Variants in ZNF256 observed in about 807,000 individuals in gnomAD.
The protein encoded by ZNF256 is bone marrow zinc finger 3.
In ZNF256, 4 loss-of-function variants were observed where a neutral mutation model predicts 7.9. The ratio of observed to expected loss-of-function variants is 0.50; its 90% CI spans 0.25 to 1.15. The LOEUF is 1.15. Among genes scored for constraint, ZNF256 ranks in the 50% most tolerant of loss-of-function variants. ZNF256 has a pLI of 0.15. For missense variants in ZNF256, 666 were observed against 755.9 expected (o/e 0.88, Z 1.39); for synonymous variants, 260 against 260.4 (o/e 1.00, Z 0.02).
At position 57,942,158 on chromosome 19, in the gene ZNF256, A is replaced by G; in HGVS notation, c.650T>C (p.Val217Ala). 1 of 1,614,206 alleles carries G rather than the reference A, an allele frequency of 6.2e-7. No individual in the cohort carries two copies. The highest frequency in any genetic ancestry group is 8.5e-7 in the Non-Finnish European group (1 of 1,180,040). ...VKNHYNWGEC[V>A]KAFSYKHVRV... ...TACATGTTTGTAGCTGAAAGCTTTC[A>G]CACATTCTCCCCAGTTGTAATGATT... Residue 217 changes from valine to alanine, a missense_variant, in exon 3 of 3, where the codon GTG becomes GCG. Val to Ala is a moderately conservative substitution (Grantham distance 64, BLOSUM62 0). Transcript: ENST00000282308.
At chr19:57,943,131 C>T (rs2072742041) in intron 2 of ZNF256, among the ~76,000 whole-genome samples, 1 of 152,094 alleles carries the variant, frequency 6.6e-6, no homozygotes, top group Admixed American at 6.6e-5. Flanking sequence ...TAACCCCAGG[C>T]TGGAAGTAAG....
Position 57,941,546 on chromosome 19 carries a change from C to G in ZNF256, c.1262G>C (p.Arg421Pro). 3.1e-6 allele frequency: 5 copies of G among 1,613,998 alleles called. No individual in the cohort carries two copies. The highest frequency in any genetic ancestry group is 4.2e-6 in the Non-Finnish European group (5 of 1,180,020). Residue 421 changes from arginine (R) to proline (P), a missense_variant, in exon 3 of 3, where the codon CGT becomes CCT. Coordinates refer to ENST00000282308, the MANE Select transcript of ZNF256 (RefSeq NM_005773.3). Reference sequence around the variant, plus strand: ...ATGAACTCTCTGGTGTTGGAAGAAACGAGATCTATAAGTAAACAATTTCCC... The same window carrying G: ...ATGAACTCTCTGGTGTTGGAAGAAAGGAGATCTATAAGTAAACAATTTCCC... ...ECGKLFTYRS[R>P]FFQHQRVHTG...
intron 1 of ZNF256, among the ~76,000 whole-genome samples, chr19:57,944,648 C>A (rs994479612): frequency 6.6e-6 from 1 of 152,096 alleles, no homozygotes; most frequent in Non-Finnish European, 1.5e-5. Context: ...CAGGGTGAAA[C>A]CCCATCTCTA....
intron 2 of ZNF256, 89 bp from the exon 3 acceptor site, chr19:57,942,736 G>A: frequency 6.7e-7 from 1 of 1,491,034 alleles, no homozygotes; most frequent in Non-Finnish European, 9.1e-7. Context: ...ACAAACCCAG[G>A]AACTGAGTCC....
rs781357642 is a variant in ZNF256 at position 57,941,694 on chromosome 19, C to T, written c.1114G>A (p.Val372Ile). 3.7e-6 allele frequency: 6 copies of T among 1,614,038 alleles called. No individual in the cohort carries two copies. Residue 372 changes from valine (V) to isoleucine (I), a missense_variant, in exon 3 of 3, where the codon GTT becomes ATT. By Grantham distance (29) the Val-to-Ile change is conservative. Coordinates refer to ENST00000282308, the MANE Select transcript of ZNF256 (RefSeq NM_005773.3). ...ATATAAGGCCTTGTACCAGTGTGAA[C>T]TCTCTGGTGTGTAATAAGGCTAGAA... Reference protein sequence around the residue: ...HSSSLITHQRVHTGTRPYMCS... With the variant: ...HSSSLITHQRIHTGTRPYMCS...
rs112563701 is a variant in ZNF256, at chr19:57,942,906, A to C, written c.161-259T>G. On this transcript the variant is annotated intron_variant, in intron 2 of 2. Transcript: ENST00000282308. ...GGAGAAGAGGCAGGATATACAACTC[A>C]TTCCTCTAGAACAATTTTCAGTGAG... is the stretch of plus-strand genomic sequence containing the variant. Among the ~76,000 whole-genome samples the C allele has an allele frequency of 1.9e-3, 297 of 152,348 alleles. 1 individual carries two copies. The highest frequency in any genetic ancestry group is 6.7e-3 in the African/African-American group (280 of 41,578).
At chr19:57,943,163 A>G in intron 2 of ZNF256, among the ~76,000 whole-genome samples, 1 of 152,236 alleles carries the variant, frequency 6.6e-6, no homozygotes, top group East Asian at 1.9e-4. Flanking sequence ...CCAGGTGGAC[A>G]GCTGACAAGC....
At chr19:57,944,250 G>GT (rs2072751001) in intron 1 of ZNF256, among the ~76,000 whole-genome samples, 190 bp from the exon 2 acceptor site, 1 of 152,212 alleles carries the variant, frequency 6.6e-6, no homozygotes, top group Non-Finnish European at 1.5e-5. Flanking sequence ...GCAGCCATCA[G>GT]TAACAAGAGG....
At position 57,942,618 on chromosome 19, in the gene ZNF256, G is replaced by A. The variant is rs139368463; in HGVS notation, c.190C>T (p.Pro64Ser). 34 of 1,613,846 alleles carry A rather than the reference G, an allele frequency of 2.1e-5. No homozygotes were observed. The highest frequency in any genetic ancestry group is 8.0e-5 in the African/African-American group (6 of 74,914). ...GGSGAGDEEA[P>S]YQQSTSPQRV... ...TGTGGAGAAGTGCTCTGCTGATAAG[G>A]TGCCTCCTCATCCCCTGCTCCAGAA... is the stretch of plus-strand genomic sequence containing the variant. The change falls in exon 3 of 3, where the codon CCT (proline) becomes TCT (serine). Residue 64 changes from proline to serine, a missense_variant. Physicochemically the swap from Pro to Ser is moderately conservative, Grantham distance 74. Coordinates refer to ENST00000282308, the MANE Select transcript of ZNF256 (RefSeq NM_005773.3).
At position 57,941,252 on chromosome 19, in the gene ZNF256, T is replaced by C. The variant is rs1237229515; in HGVS notation, c.1556A>G (p.Tyr519Cys). The part of the protein sequence containing the change: ...HQRVHTGERP[Y>C]ECNECGKFFS... ...AAACTTCCCACATTCATTGCACTCA[T>C]AAGGCCTTTCTCCAGTGTGAACTCT... Residue 519 changes from tyrosine to cysteine, a missense_variant, in exon 3 of 3, where the codon TAT becomes TGT. Tyr to Cys is a radical substitution (Grantham distance 194). Transcript: ENST00000282308. The C allele has an allele frequency of 6.2e-7, 1 of 1,614,234 alleles. No individual in the cohort carries two copies. The highest frequency in any genetic ancestry group is 1.7e-5 in the Admixed American group (1 of 60,028).
At chr19:57,943,810 C>T (rs1600197123) in intron 2 of ZNF256, 124 bp downstream of exon 2, 18 of 1,326,224 alleles carry the variant, frequency 1.4e-5, no homozygotes, top group South Asian at 1.2e-4. Context: ...CCCTACCAAC[C>T]GCAGCACCTG....
Position 57,944,052 on chromosome 19 carries a change from C to A in ZNF256, c.42G>T (p.Val14=), listed in dbSNP as rs200314150. ...AELTAPAQGI[V]TFEDVAVYFS... ...AGTAAACAGCCACGTCCTCAAAGGT[C>A]ACAATGCCCTGCCAGGATGGGGACA... The change falls in exon 2 of 3, where the codon GTG becomes GTT. Residue 14 remains valine, a synonymous_variant. Coordinates refer to ENST00000282308, the MANE Select transcript of ZNF256 (RefSeq NM_005773.3). 1 of 1,613,888 alleles carries A rather than the reference C, an allele frequency of 6.2e-7. No homozygotes were observed. Among genetic ancestry groups the A allele is most frequent in the South Asian group, 1.1e-5 (1 of 91,074 alleles).
chr19:57,943,650 C>T (rs1050656084), intron 2 of ZNF256, among the ~76,000 whole-genome samples: 4 of 152,224 alleles, frequency 2.6e-5, no homozygotes, highest in South Asian at 4.1e-4. Flanking sequence ...TGAGGAGCCT[C>T]GAATCTGGAC....
chr19:57,942,602 G>C lies in ZNF256; in HGVS notation c.206C>G (p.Thr69Ser), dbSNP rs146757362. The change falls in exon 3 of 3, where the codon ACT becomes AGT. Residue 69 changes from threonine to serine, a missense_variant. By Grantham distance (58) the Thr-to-Ser change is moderately conservative. Coordinates refer to ENST00000282308, the MANE Select transcript of ZNF256 (RefSeq NM_005773.3). ...AACCTGTGACACCCGCTGTGGAGAA[G>C]TGCTCTGCTGATAAGGTGCCTCCTC... ...GDEEAPYQQS[T>S]SPQRVSQVRI... The C allele has an allele frequency of 1.2e-6, 2 of 1,614,060 alleles. No individual in the cohort carries two copies. Among genetic ancestry groups the C allele is most frequent in the African/African-American group, 2.7e-5 (2 of 74,926 alleles).
intron 1 of ZNF256, among the ~76,000 whole-genome samples, chr19:57,945,116 T>C (rs1291858099): frequency 6.6e-6 from 1 of 151,852 alleles, no homozygotes; most frequent in Non-Finnish European, 1.5e-5. Context: ...AGGATGGTCT[T>C]GATCTCCTGA....
chr19:57,941,102 T>C lies in ZNF256; in HGVS notation c.1706A>G (p.His569Arg), dbSNP rs149405401. 7.0e-5 allele frequency: 113 copies of C among 1,614,192 alleles called. No individual in the cohort carries two copies. In the African/African-American group the frequency reaches 1.4e-3, roughly 19 times the overall value. ...HSSLVKHRRVHTGERPYECSE... is the reference protein window; with the variant it reads ...HSSLVKHRRVRTGERPYECSE... ...GCATTCATAAGGCCTTTCTCCGGTA[T>C]GAACTCTTCGGTGTTTAACGAGGCT... Residue 569 changes from histidine to arginine, a missense_variant, in exon 3 of 3, where the codon CAT becomes CGT. Physicochemically the swap from His to Arg is conservative, Grantham distance 29 (BLOSUM62 0). Coordinates refer to ENST00000282308, the MANE Select transcript of ZNF256 (RefSeq NM_005773.3).
rs141153091 is a variant in ZNF256 at position 57,944,491 on chromosome 19, G to A, written c.34-431C>T. ...GACCACCACTACGTCCTATACCACA[G>A]GCAAATCCTGGCTTCCCCACATGCT... On this transcript the variant is annotated intron_variant, in intron 1 of 2. Coordinates refer to ENST00000282308, the MANE Select transcript of ZNF256 (RefSeq NM_005773.3). Among the ~76,000 whole-genome samples, 166 of 152,266 alleles carry A rather than the reference G, an allele frequency of 1.1e-3. 3 individuals carry two copies. The highest frequency in any genetic ancestry group is 8.8e-3 in the Admixed American group (135 of 15,296).
chr19:57,947,442 C>T lies in ZNF256; in HGVS notation c.33G>A (p.Gln11=). 8.0e-7 allele frequency: 1 copy of T among 1,249,164 alleles called. No individual in the cohort carries two copies. The highest frequency in any genetic ancestry group is 1.0e-6 in the Non-Finnish European group (1 of 988,652). The allele number at this position is 1,249,164 out of a possible 1,614,324, so 77.4% of individuals were successfully genotyped here. A position where few individuals can be genotyped will look rare whatever the true frequency, so the allele number is the denominator to read the frequency against. Residue 11 remains glutamine (Q), a splice_region_variant and synonymous_variant, in exon 1 of 3, where the codon CAG becomes CAA. Transcript: ENST00000282308. The part of the protein sequence containing the change: MAAAELTAPA[Q]GIVTFEDVAV... ...AAGGCCCAGAGGACGCGGCACATACCTGGGCCGGGGCCGTCAGCTCGGCCG... is the reference window on the plus strand; with the variant it reads ...AAGGCCCAGAGGACGCGGCACATACTTGGGCCGGGGCCGTCAGCTCGGCCG...
At chr19:57,943,337 C>T (rs1482391203) in intron 2 of ZNF256, among the ~76,000 whole-genome samples, 1 of 152,202 alleles carries the variant, frequency 6.6e-6, no homozygotes, top group Non-Finnish European at 1.5e-5. Context: ...GCCAGGCTCC[C>T]TCTGAGTCCA....
Sources: allele counts gnomAD v4.1 joint callset (sites outside exome capture counted in the v4.1 genomes callset), GRCh38; gene constraint gnomAD v4.1.1; transcripts MANE v1.5; gene names NCBI Gene and HGNC (gene_info 2026-07-23, HGNC 2026-07-21).